Variants in TMEM50A observed in about 807,000 individuals in gnomAD.
TMEM50A encodes transmembrane protein 50A, also known as cervical cancer oncogene 9.
TMEM50A carries 8 observed loss-of-function variants against 23.9 expected under a neutral mutation model. The ratio of observed to expected loss-of-function variants is 0.33; its 90% CI spans 0.20 to 0.60. TMEM50A has a LOEUF of 0.60. Ranked by LOEUF, TMEM50A falls within the 20% of genes least tolerant of loss-of-function variation. TMEM50A has a pLI of 0.81. For synonymous variants in TMEM50A, 55 were observed against 60.4 expected (o/e 0.91, Z 0.41); for missense variants, 178 against 192.7 (o/e 0.92, Z 0.45).
rs750379741 is a variant in TMEM50A at position 25,351,697 on chromosome 1, A to C, written c.274+4A>C. Reference sequence around the variant, plus strand: ...GAAGGTTGTCTGGGTCAAACAGGTAAATAGGTGCAAACAGCATCTTATTAT... The same window carrying C: ...GAAGGTTGTCTGGGTCAAACAGGTACATAGGTGCAAACAGCATCTTATTAT... On this transcript the variant is annotated splice_donor_region_variant and intron_variant, in intron 4 of 6. Coordinates refer to ENST00000374358, the MANE Select transcript of TMEM50A (RefSeq NM_014313.4). The C allele has an allele frequency of 1.2e-6, 2 of 1,611,844 alleles. No homozygotes were observed. The highest frequency in any genetic ancestry group is 1.7e-6 in the Non-Finnish European group (2 of 1,179,182).
At chr1:25,339,443 G>C (rs1275501617) in intron 1 of TMEM50A, among the ~76,000 whole-genome samples, 3 of 152,130 alleles carry the variant, frequency 2.0e-5, no homozygotes, top group Admixed American at 2.0e-4. Context: ...ATATTAAAGT[G>C]GATGTTCTTT....
Position 25,361,857 on chromosome 1 carries a change from A to G in TMEM50A, c.*1152A>G, listed in dbSNP as rs892063643. 2 of 156,840 alleles carry G rather than the reference A, an allele frequency of 1.3e-5. No homozygotes were observed. The highest frequency in any genetic ancestry group is 2.8e-5 in the Non-Finnish European group (2 of 70,904). 9.7% of individuals were successfully genotyped at this position (156,840 alleles called of 1,614,324 possible). ...TGCTGTCATCCCACATGAACTCCTG[A>G]TGTTTTTTCTACAAAAGTCCATAAA... is the stretch of plus-strand genomic sequence containing the variant. On this transcript the variant is annotated 3_prime_UTR_variant, in exon 7 of 7. Transcript: ENST00000374358.
At chr1:25,341,209 T>C (rs989495778) in intron 2 of TMEM50A, among the ~76,000 whole-genome samples, 14 of 152,142 alleles carry the variant, frequency 9.2e-5, no homozygotes, top group African/African-American at 3.4e-4. Context: ...TTTATTTTTA[T>C]TTTTTGAGAT....
At chr1:25,357,950 CTT>C (rs71577759) in intron 6 of TMEM50A, among the ~76,000 whole-genome samples, 61 of 125,536 alleles carry the variant, frequency 4.9e-4, no homozygotes, top group Admixed American at 6.5e-4. Context: ...ATCAGGAGTT[CTT>C]TTTTTTTTTT....
At chr1:25,341,448 C>T (rs570464013) in intron 2 of TMEM50A, among the ~76,000 whole-genome samples, 62 of 152,198 alleles carry the variant, frequency 4.1e-4, no homozygotes, top group African/African-American at 1.5e-3. Flanking sequence ...TTAGTAGAGA[C>T]GGGGTTTCGC....
rs781122347 is a variant in TMEM50A at position 25,340,538 on chromosome 1, GA to G, written c.56del (p.Lys19SerfsTer22). 3.7e-6 allele frequency: 6 copies of G among 1,613,838 alleles called. No individual in the cohort carries two copies. Among genetic ancestry groups the G allele is most frequent in the African/African-American group, 1.3e-5 (1 of 74,924 alleles). ...ATGCTCAGAATGCATTGACTGGGGG[GA>G]AAAGCGCAATACTATTGCTTCCATT... Reference protein sequence around the residue: ...LRCSECIDWGEKRNTIASIAA... With the variant: ...LRCSECIDWGXKRNTIASIAA... On this transcript the variant is annotated frameshift_variant, in exon 2 of 7. Coordinates refer to ENST00000374358, the MANE Select transcript of TMEM50A (RefSeq NM_014313.4). LOFTEE classifies it high-confidence loss of function.
chr1:25,357,521 C>T (rs3093632), intron 6 of TMEM50A, among the ~76,000 whole-genome samples: 65,384 of 145,598 alleles, frequency 0.45, 15,564 homozygotes, highest in Non-Finnish European at 0.55. Context: ...TAATCCTCTG[C>T]ATCAGGAGTG....
chr1:25,341,729 C>G (rs1324272715), intron 2 of TMEM50A, among the ~76,000 whole-genome samples: 5 of 152,134 alleles, frequency 3.3e-5, no homozygotes, highest in Admixed American at 6.5e-5. Context: ...GGGTCTCACT[C>G]TGTCTCCCAG....
chr1:25,340,435 G>A (rs952876100), intron 1 of TMEM50A, 39 bp from the exon 2 acceptor site: 131 of 1,435,102 alleles, frequency 9.1e-5, no homozygotes, highest in Non-Finnish European at 1.2e-4. Flanking sequence ...GCAAGTAAAT[G>A]GAAGTACTTA....
intron 2 of TMEM50A, among the ~76,000 whole-genome samples, chr1:25,341,867 G>GTT (rs113850443): frequency 8.8e-6 from 1 of 113,294 alleles, no homozygotes; most frequent in African/African-American, 2.7e-5. Context: ...GCTAATTTTT[G>GTT]TTTTTTTTTT....
chr1:25,342,277 T>G (rs3093585), intron 2 of TMEM50A, among the ~76,000 whole-genome samples: 66 of 152,338 alleles, frequency 4.3e-4, no homozygotes, highest in African/African-American at 1.5e-3. Context: ...TCTAGGCTAC[T>G]TGTCAGAATT....
Position 25,362,170 on chromosome 1 carries a change from T to C in TMEM50A, c.*1465T>C, listed in dbSNP as rs1571813881. The C allele has an allele frequency of 2.4e-6, 1 of 423,092 alleles. No homozygotes were observed. Among genetic ancestry groups the C allele is most frequent in the African/African-American group, 2.0e-5 (1 of 49,942 alleles). The allele number at this position is 423,092 out of a possible 1,614,324, so 26.2% of individuals were successfully genotyped here. A position where few individuals can be genotyped will look rare whatever the true frequency, so the allele number is the denominator to read the frequency against. Reference sequence around the variant, plus strand: ...TTTGTAATTTTCCTGTTTTGTATTATCTGCTTTGCTGATGTAGACAAGAGT... The same window carrying C: ...TTTGTAATTTTCCTGTTTTGTATTACCTGCTTTGCTGATGTAGACAAGAGT... On this transcript the variant is annotated 3_prime_UTR_variant, in exon 7 of 7. Coordinates refer to ENST00000374358, the MANE Select transcript of TMEM50A (RefSeq NM_014313.4).
At chr1:25,339,020 C>T (rs1200186556) in intron 1 of TMEM50A, among the ~76,000 whole-genome samples, 2 of 152,320 alleles carry the variant, frequency 1.3e-5, no homozygotes, top group African/African-American at 4.8e-5. Flanking sequence ...CTAAATTGAA[C>T]TTGTCCCAAA....
In TMEM50A at chr1:25,353,424, A is replaced by G. The variant is rs188396018; in HGVS notation, c.367+450A>G. ...CAGCTTCCCAGGTAGCTAGGGCCACAAGCACACACAACCACACCCAGCTAA... is the reference window on the plus strand; with the variant it reads ...CAGCTTCCCAGGTAGCTAGGGCCACGAGCACACACAACCACACCCAGCTAA... On this transcript the variant is annotated intron_variant, in intron 5 of 6. Transcript: ENST00000374358. 2.0e-4 allele frequency among the ~76,000 whole-genome samples: 30 copies of G among 152,254 alleles called. No individual in the cohort carries two copies. In the East Asian group the frequency reaches 5.8e-3, roughly 29 times the overall value.
chr1:25,345,790 A>AT (rs1484744267), intron 3 of TMEM50A, among the ~76,000 whole-genome samples: 10 of 147,284 alleles, frequency 6.8e-5, no homozygotes, highest in African/African-American at 2.4e-4. Flanking sequence ...TTGTTTATTT[A>AT]TTTATTTTTT....
intron 2 of TMEM50A, 60 bp from the exon 3 acceptor site, chr1:25,342,901 C>T: frequency 7.0e-7 from 1 of 1,418,916 alleles, no homozygotes; most frequent in East Asian, 2.3e-5. Flanking sequence ...AAATACCTTG[C>T]TTTTAGCCAG....
intron 3 of TMEM50A, among the ~76,000 whole-genome samples, chr1:25,348,735 A>T (rs1645246930): frequency 6.6e-6 from 1 of 151,904 alleles, no homozygotes; most frequent in South Asian, 2.1e-4. Context: ...AGTTGCCTAT[A>T]ATCTCACCAA....
chr1:25,354,292 G>T (rs1443877957), intron 5 of TMEM50A, among the ~76,000 whole-genome samples: 2 of 152,070 alleles, frequency 1.3e-5, no homozygotes, highest in African/African-American at 4.8e-5. Flanking sequence ...GCCTAGCCAT[G>T]TGTAATTTAT....
At chr1:25,359,735 A>G (rs1265962084) in intron 6 of TMEM50A, among the ~76,000 whole-genome samples, 4 of 151,810 alleles carry the variant, frequency 2.6e-5, no homozygotes, top group Non-Finnish European at 2.9e-5. Context: ...CCTTTGATGT[A>G]CTGTTTCCTG....
Sources: allele counts gnomAD v4.1 joint callset (sites outside exome capture counted in the v4.1 genomes callset), GRCh38; gene constraint gnomAD v4.1.1; transcripts MANE v1.5; gene names NCBI Gene and HGNC (gene_info 2026-07-23, HGNC 2026-07-21).